Variants in TSPAN14 observed in about 807,000 individuals in gnomAD.
TSPAN14 encodes the protein tetraspanin-14.
A neutral mutation model predicts 36.6 loss-of-function variants in TSPAN14; 16 were observed. The ratio of observed to expected loss-of-function variants is 0.44; its 90% CI spans 0.30 to 0.66. TSPAN14 has a LOEUF of 0.66. Ranked by LOEUF, TSPAN14 falls within the 30% of genes least tolerant of loss-of-function variation. The pLI is 0.12. For synonymous variants in TSPAN14, 139 were observed against 143.8 expected, an observed-to-expected ratio of 0.97 and a Z score of 0.24; for missense variants, 231 against 355.1, an observed-to-expected ratio of 0.65 and a Z score of 2.81.
chr10:80,510,140 G>T (rs977594401), intron 5 of TSPAN14, among the ~76,000 whole-genome samples: 4 of 152,226 alleles, frequency 2.6e-5, no homozygotes, highest in Admixed American at 6.5e-5. Flanking sequence ...CCCACTCCTT[G>T]GCCATGTCAG....
At chr10:80,510,139 T>C (rs1038843426) in intron 5 of TSPAN14, among the ~76,000 whole-genome samples, 1 of 152,232 alleles carries the variant, frequency 6.6e-6, no homozygotes, top group African/African-American at 2.4e-5. Flanking sequence ...ACCCACTCCT[T>C]GGCCATGTCA....
At chr10:80,464,212 G>A (rs189685256) in intron 1 of TSPAN14, among the ~76,000 whole-genome samples, 13 of 152,282 alleles carry the variant, frequency 8.5e-5, no homozygotes, top group East Asian at 5.8e-4. Context: ...TGTGAGGATC[G>A]GCCTCCTTCT....
intron 1 of TSPAN14, among the ~76,000 whole-genome samples, chr10:80,467,911 A>C (rs985526846): frequency 6.6e-6 from 1 of 152,210 alleles, no homozygotes; most frequent in Admixed American, 6.5e-5. Context: ...TGTGAAGTGG[A>C]ATCCAGGGAG....
chr10:80,493,341 G>A (rs1309613516), intron 2 of TSPAN14, among the ~76,000 whole-genome samples: 1 of 152,200 alleles, frequency 6.6e-6, no homozygotes, highest in Non-Finnish European at 1.5e-5. Flanking sequence ...ATGGTAAACA[G>A]TATGGTAGTT....
intron 1 of TSPAN14, among the ~76,000 whole-genome samples, chr10:80,461,617 T>A (rs1845973387): frequency 6.6e-6 from 1 of 151,130 alleles, no homozygotes; most frequent in Non-Finnish European, 1.5e-5. Context: ...GCGGGCAGGT[T>A]TAGTTGAGGG....
chr10:80,505,345 A>G (rs1209667463), intron 3 of TSPAN14, among the ~76,000 whole-genome samples: 1 of 151,602 alleles, frequency 6.6e-6, no homozygotes, highest in African/African-American at 2.4e-5. Flanking sequence ...ATGAGACTGG[A>G]TATGGGCAGG....
At chr10:80,508,334 G>A (rs1445359679) in intron 4 of TSPAN14, among the ~76,000 whole-genome samples, 1 of 152,098 alleles carries the variant, frequency 6.6e-6, no homozygotes, top group African/African-American at 2.4e-5. Context: ...TAGCCAGGAT[G>A]GTCTCCATCT....
At chr10:80,476,987 C>G (rs1183512501) in intron 1 of TSPAN14, among the ~76,000 whole-genome samples, 1 of 152,194 alleles carries the variant, frequency 6.6e-6, no homozygotes, top group Non-Finnish European at 1.5e-5. Flanking sequence ...AGGTTTTCAG[C>G]AGAGTGCAGT....
chr10:80,509,198 C>A lies in TSPAN14; in HGVS notation c.280-103C>A. ...ATGTGGGACTCTCAGGTGCAGAGCC[C>A]ACGCTCTGCTGAGGATGGTGGTTCT... is the stretch of plus-strand genomic sequence containing the variant. On this transcript the variant is annotated intron_variant, in intron 4 of 8. Coordinates refer to ENST00000429989, the Ensembl canonical transcript of TSPAN14. This position sits in a 1 kb window ranked among gnomAD's most constrained non-coding sequence, Gnocchi z 4.7. 7.8e-7 allele frequency: 1 copy of A among 1,276,864 alleles called. No individual in the cohort carries two copies. The highest frequency in any genetic ancestry group is 1.4e-5 in the South Asian group (1 of 71,056). 79.1% of individuals were successfully genotyped at this position (1,276,864 alleles called of 1,614,324 possible).
chr10:80,512,072 A>G (rs1840685482), intron 5 of TSPAN14, 72 bp from the exon 6 acceptor site: 5 of 1,603,162 alleles, frequency 3.1e-6, no homozygotes, highest in Admixed American at 3.4e-5. Context: ...CATCACTATG[A>G]ATGATGCCCT....
At chr10:80,485,724 G>T in intron 1 of TSPAN14, 1 of 982,316 alleles carries the variant, frequency 1.0e-6, no homozygotes, top group Non-Finnish European at 1.2e-6. Context: ...TCCCTGTCCC[G>T]AGGTTAGGTG....
At chr10:80,467,360 G>C (rs1272137739) in intron 1 of TSPAN14, among the ~76,000 whole-genome samples, 1 of 152,110 alleles carries the variant, frequency 6.6e-6, no homozygotes, top group East Asian at 1.9e-4. Flanking sequence ...AACAAGACTG[G>C]GAAAGTCACC....
intron 6 of TSPAN14, among the ~76,000 whole-genome samples, chr10:80,513,788 CA>C: frequency 6.6e-6 from 1 of 152,320 alleles, no homozygotes; most frequent in Middle Eastern, 3.4e-3. Flanking sequence ...TCTCATGCAA[CA>C]AAAGCGGAAT....
At chr10:80,507,182 C>A (rs762529335) in intron 3 of TSPAN14, 46 bp from the exon 4 acceptor site, 1 of 1,612,632 alleles carries the variant, frequency 6.2e-7, no homozygotes, top group Non-Finnish European at 8.5e-7. Flanking sequence ...GCATCCTTGA[C>A]TCCCCTTCTG....
chr10:80,488,258 G>A (rs764378241), intron 1 of TSPAN14, among the ~76,000 whole-genome samples: 25 of 152,324 alleles, frequency 1.6e-4, no homozygotes, highest in Non-Finnish European at 2.9e-4. Flanking sequence ...GCAGGGGACC[G>A]TGGAGGACTT....
intron 1 of TSPAN14, among the ~76,000 whole-genome samples, chr10:80,479,942 A>G (rs1409899074): frequency 2.8e-5 from 4 of 144,910 alleles, no homozygotes; most frequent in African/African-American, 7.9e-5. Flanking sequence ...ATGTTCTTCC[A>G]TTTGTTTGTA....
At chr10:80,462,353 G>GTGGGA (rs1211950146) in intron 1 of TSPAN14, among the ~76,000 whole-genome samples, 10 of 145,772 alleles carry the variant, frequency 6.9e-5, no homozygotes, top group South Asian at 2.2e-4. Flanking sequence ...TAGGAATGGG[G>GTGGGA]TGGGATGGGA....
At chr10:80,494,090 G>A (rs189364938) in intron 2 of TSPAN14, among the ~76,000 whole-genome samples, 1 of 152,174 alleles carries the variant, frequency 6.6e-6, no homozygotes, top group African/African-American at 2.4e-5. Context: ...ATAGACTGTA[G>A]GCCTGTGTTA....
At chr10:80,495,637 A>G (rs1848160316) in intron 2 of TSPAN14, among the ~76,000 whole-genome samples, 1 of 152,180 alleles carries the variant, frequency 6.6e-6, no homozygotes, top group South Asian at 2.1e-4. Flanking sequence ...TTCAAGTCTT[A>G]AGTAGTTTGG....
Sources: gnomAD v4.1 joint callset for allele counts (sites outside exome capture counted in the v4.1 genomes callset) on GRCh38, gnomAD v4.1.1 for gene constraint, Gnocchi (gnomAD v3.1) non-coding constraint, MANE v1.5 for transcripts, NCBI Gene and HGNC (gene_info 2026-07-23, HGNC 2026-07-21) for gene names.